The following TMEM108 variants were observed in gnomAD, a reference collection of about 807,000 sequenced individuals.
TMEM108 encodes transmembrane protein 108, also known as cancer/testis antigen 124.
A neutral mutation model predicts 35.1 loss-of-function variants in TMEM108; 12 were observed. The ratio of observed to expected loss-of-function variants is 0.34; its 90% CI spans 0.22 to 0.55. The LOEUF (loss-of-function observed/expected upper bound fraction) is 0.55. Ranked by LOEUF, TMEM108 falls within the 20% of genes least tolerant of loss-of-function variation. TMEM108 has a pLI of 0.89. For missense variants in TMEM108, 680 were observed against 753.3 expected, an observed-to-expected ratio of 0.90 and a Z score of 1.14; for synonymous variants, 287 against 308.6, an observed-to-expected ratio of 0.93 and a Z score of 0.73.
intron 3 of TMEM108, among the ~76,000 whole-genome samples, chr3:133,369,851 A>G (rs2107811480): frequency 6.6e-6 from 1 of 152,294 alleles, no homozygotes; most frequent in Middle Eastern, 3.4e-3. Flanking sequence ...GGTGCTGGGA[A>G]AGATGCCTAC....
At chr3:133,070,986 AT>A (rs1943669367) in intron 2 of TMEM108, among the ~76,000 whole-genome samples, 1 of 152,126 alleles carries the variant, frequency 6.6e-6, no homozygotes, top group Admixed American at 6.6e-5. Context: ...CTCTGATCTC[AT>A]TTAAGGTAGG....
chr3:133,192,199 G>A (rs146669368), intron 2 of TMEM108, among the ~76,000 whole-genome samples: 9 of 152,150 alleles, frequency 5.9e-5, no homozygotes, highest in Non-Finnish European at 8.8e-5. Flanking sequence ...GATGTAGAGG[G>A]CAAGAGTTTC....
At chr3:133,069,850 G>A (rs1419786622) in intron 2 of TMEM108, among the ~76,000 whole-genome samples, 1 of 152,116 alleles carries the variant, frequency 6.6e-6, no homozygotes, top group Non-Finnish European at 1.5e-5. Flanking sequence ...ACATTGTTCA[G>A]TCTCCTTGTC....
At position 133,396,086 on chromosome 3, in the gene TMEM108, TAATG is replaced by T; in HGVS notation, c.*102_*105del. ...ATATAACCTTTGTGTAACCCTGACT[TAATG>T]AGAAACATTTTCAGCTTTTTTTCCT... is the stretch of plus-strand genomic sequence containing the variant. On this transcript the variant is annotated 3_prime_UTR_variant, in exon 6 of 6. Transcript: ENST00000321871. 2.2e-6 allele frequency: 2 copies of T among 911,152 alleles called. No individual in the cohort carries two copies. The highest frequency in any genetic ancestry group is 9.3e-5 in the Admixed American group (2 of 21,498). 56.4% of individuals were successfully genotyped at this position (911,152 alleles called of 1,614,324 possible).
chr3:133,244,330 A>T (rs1009838557), intron 3 of TMEM108, among the ~76,000 whole-genome samples: 1 of 152,194 alleles, frequency 6.6e-6, no homozygotes, highest in African/African-American at 2.4e-5. Flanking sequence ...TTCCATTGCT[A>T]GGACCTTGTT....
intron 2 of TMEM108, among the ~76,000 whole-genome samples, chr3:133,181,038 A>AAAAAAAAC (rs869218859): frequency 2.4e-5 from 3 of 126,442 alleles, no homozygotes; most frequent in Admixed American, 8.4e-5. Flanking sequence ...AAAAAAAAAA[A>AAAAAAAAC]CAGCACTCCC....
rs1305490346 is a variant in TMEM108, at chr3:133,227,395, G to A, written c.-46-1871G>A. 1.1e-4 allele frequency among the ~76,000 whole-genome samples: 17 copies of A among 147,924 alleles called. 1 individual carries two copies. The highest frequency in any genetic ancestry group is 3.3e-4 in the Admixed American group (5 of 14,990). ...TTTTTAGTAGAGACGGGGTTTCACC[G>A]TGTTAGCCAGGATGGTCTCGATCTC... On this transcript the variant is annotated intron_variant, in intron 2 of 5. Coordinates refer to ENST00000321871, the MANE Select transcript of TMEM108 (RefSeq NM_023943.4).
chr3:133,268,106 A>G (rs1020516970), intron 3 of TMEM108, among the ~76,000 whole-genome samples: 1 of 152,230 alleles, frequency 6.6e-6, no homozygotes, highest in Non-Finnish European at 1.5e-5. Flanking sequence ...AAGACCATCA[A>G]TAAGGAGCTG....
At chr3:133,391,836 C>T (rs544898799) in intron 5 of TMEM108, among the ~76,000 whole-genome samples, 25 of 152,352 alleles carry the variant, frequency 1.6e-4, no homozygotes, top group African/African-American at 6.0e-4. Flanking sequence ...TCTCCTGTCA[C>T]GTGGTCTTAG....
chr3:133,335,190 A>G (rs536198349), intron 3 of TMEM108, among the ~76,000 whole-genome samples: 4 of 152,372 alleles, frequency 2.6e-5, no homozygotes, highest in African/African-American at 9.6e-5. Flanking sequence ...ATAAATGTAA[A>G]TGAATTAAAG....
At chr3:133,090,826 A>G (rs1369988012) in intron 2 of TMEM108, among the ~76,000 whole-genome samples, 2 of 152,204 alleles carry the variant, frequency 1.3e-5, no homozygotes, top group Admixed American at 6.5e-5. Context: ...ATAATTTACT[A>G]TGTCACTAAA....
chr3:133,136,944 C>A (rs1339292557), intron 2 of TMEM108, among the ~76,000 whole-genome samples: 1 of 152,130 alleles, frequency 6.6e-6, no homozygotes, highest in Non-Finnish European at 1.5e-5. Flanking sequence ...GGAAAAGTGT[C>A]AAGTAAAAGT....
In TMEM108 at chr3:133,169,310, T is replaced by A. The variant is rs1559854804; in HGVS notation, c.-46-59956T>A. Among the ~76,000 whole-genome samples, 4 of 130,594 alleles carry A rather than the reference T, an allele frequency of 3.1e-5. No homozygotes were observed. In the Admixed American group the frequency reaches 3.3e-4, roughly 11 times the overall value. The allele number at this position is 130,594 out of a possible 152,430, so 85.7% of individuals were successfully genotyped here. A position where few individuals can be genotyped will look rare whatever the true frequency, so the allele number is the denominator to read the frequency against. Reference sequence around the variant, plus strand: ...ATCACTTGATGATATAGTTGTGTACTCATCTTTGGACTTTCTGTATTTCAG... The same window carrying A: ...ATCACTTGATGATATAGTTGTGTACACATCTTTGGACTTTCTGTATTTCAG... On this transcript the variant is annotated intron_variant, in intron 2 of 5. Coordinates refer to ENST00000321871, the MANE Select transcript of TMEM108 (RefSeq NM_023943.4).
At chr3:133,345,365 ATATT>A (rs1388564214) in intron 3 of TMEM108, among the ~76,000 whole-genome samples, 1 of 151,912 alleles carries the variant, frequency 6.6e-6, no homozygotes, top group Non-Finnish European at 1.5e-5. Flanking sequence ...ATAATTTTTA[ATATT>A]TATTCCTTTA....
chr3:133,268,989 A>G (rs903233488), intron 3 of TMEM108, among the ~76,000 whole-genome samples: 2 of 152,154 alleles, frequency 1.3e-5, no homozygotes, highest in Non-Finnish European at 2.9e-5. Flanking sequence ...TTACTTGCAT[A>G]TGGTCAACAG....
intron 2 of TMEM108, among the ~76,000 whole-genome samples, chr3:133,078,167 G>A (rs970347643): frequency 9.4e-5 from 4 of 42,640 alleles, no homozygotes; most frequent in Non-Finnish European, 1.9e-4. Context: ...GTGCACGCGC[G>A]CGCGCGCACA....
chr3:133,305,566 C>T (rs910007042), intron 3 of TMEM108, among the ~76,000 whole-genome samples: 2 of 152,000 alleles, frequency 1.3e-5, no homozygotes, highest in Non-Finnish European at 2.9e-5. Context: ...TATTCATATA[C>T]ATGTCTTTGG....
intron 2 of TMEM108, among the ~76,000 whole-genome samples, chr3:133,161,489 A>G (rs996204885): frequency 6.6e-6 from 1 of 152,166 alleles, no homozygotes; most frequent in Non-Finnish European, 1.5e-5. Context: ...GGAACATAGT[A>G]GATAGGTGTT....
chr3:133,296,953 TTGGGGGGATGG>T (rs1947154419), intron 3 of TMEM108, among the ~76,000 whole-genome samples: 1 of 152,094 alleles, frequency 6.6e-6, no homozygotes, highest in East Asian at 1.9e-4. Flanking sequence ...TTCTTAATGG[TTGGGGGGATGG>T]TGGTGGTCTA....
Sources: allele counts gnomAD v4.1 joint callset (sites outside exome capture counted in the v4.1 genomes callset), GRCh38; gene constraint gnomAD v4.1.1; transcripts MANE v1.5; gene names NCBI Gene and HGNC (gene_info 2026-07-23, HGNC 2026-07-21).